The following HNRNPF variants were observed in gnomAD, a reference collection of about 807,000 sequenced individuals.
The protein encoded by HNRNPF is HnRNP F protein.
HNRNPF carries 2 observed loss-of-function variants against 26.0 expected under a neutral mutation model. That is an observed-to-expected ratio of 0.08 (90% CI 0.03 to 0.24). HNRNPF has a LOEUF of 0.24. Among genes scored for constraint, HNRNPF ranks in the 10% least tolerant of loss-of-function variants. The pLI, the probability that HNRNPF is intolerant of heterozygous loss-of-function variation, is 1.00. For missense variants in HNRNPF, 299 were observed against 539.2 expected (o/e 0.55, Z 4.41); for synonymous variants, 234 against 211.5 (o/e 1.11, Z -0.92).
chr10:43,388,386 A>G lies in HNRNPF; in HGVS notation c.-52-450T>C, dbSNP rs562012406. ...GAGTAAAAATAAGGGATGGGAACATAGCAGGCTGTTTTTAAACCACAACAT... is the reference window on the plus strand; with the variant it reads ...GAGTAAAAATAAGGGATGGGAACATGGCAGGCTGTTTTTAAACCACAACAT... On this transcript the variant is annotated intron_variant, in intron 3 of 3. Coordinates refer to ENST00000682386, the MANE Select transcript of HNRNPF (RefSeq NM_001098204.2). Among the ~76,000 whole-genome samples the G allele has an allele frequency of 4.6e-3, 708 of 152,358 alleles. 7 individuals carry two copies. Among genetic ancestry groups the G allele is most frequent in the African/African-American group, 0.016 (663 of 41,586 alleles).
intron 1 of HNRNPF, among the ~76,000 whole-genome samples, chr10:43,398,345 T>G (rs1385038722): frequency 4.8e-5 from 3 of 63,128 alleles, no homozygotes; most frequent in Admixed American, 2.9e-4. Flanking sequence ...GTTGTTGTTG[T>G]TTTTTTTTTT....
At chr10:43,396,173 G>A (rs927563444) in intron 2 of HNRNPF, among the ~76,000 whole-genome samples, 10 of 152,370 alleles carry the variant, frequency 6.6e-5, no homozygotes, top group Middle Eastern at 6.8e-3. Flanking sequence ...AGCCAATCAA[G>A]ATAAATAGGG....
At chr10:43,405,478 A>G (rs1346854513) in intron 1 of HNRNPF, among the ~76,000 whole-genome samples, 1 of 152,020 alleles carries the variant, frequency 6.6e-6, no homozygotes, top group African/African-American at 2.4e-5. Context: ...AACATGATGA[A>G]ACCCCGCCTC....
chr10:43,409,096 G>C lies in HNRNPF; in HGVS notation c.-247+35C>G, dbSNP rs543181926. On this transcript the variant is annotated intron_variant, in intron 1 of 3. Transcript: ENST00000682386. Reference sequence around the variant, plus strand: ...CGTCCCCACCCCCTGCTACCTGCCGGCGTGACAGCGATTCGGTGGCCCCCC... The same window carrying C: ...CGTCCCCACCCCCTGCTACCTGCCGCCGTGACAGCGATTCGGTGGCCCCCC... The C allele has an allele frequency of 9.2e-5, 14 of 152,848 alleles. No individual in the cohort carries two copies. In the South Asian group the frequency reaches 1.0e-3, roughly 11 times the overall value. 9.5% of individuals were successfully genotyped at this position (152,848 alleles called of 1,614,324 possible). A position where few individuals can be genotyped will look rare whatever the true frequency, so the allele number is the denominator to read the frequency against.
rs1838025796 is a variant in HNRNPF, at chr10:43,386,433, G to C, written c.*204C>G. On this transcript the variant is annotated 3_prime_UTR_variant, in exon 4 of 4. Coordinates refer to ENST00000682386, the MANE Select transcript of HNRNPF (RefSeq NM_001098204.2). ...ACCAAAATGTTAATTGAGAAAAGCTGAAAATAGTTTTAGTTTACTCATTAT... is the reference window on the plus strand; with the variant it reads ...ACCAAAATGTTAATTGAGAAAAGCTCAAAATAGTTTTAGTTTACTCATTAT... The C allele has an allele frequency of 1.9e-6, 1 of 514,734 alleles. No homozygotes were observed. The highest frequency in any genetic ancestry group is 3.4e-6 in the Non-Finnish European group (1 of 295,172). The allele number at this position is 514,734 out of a possible 1,614,324, so 31.9% of individuals were successfully genotyped here.
chr10:43,395,112 T>A (rs908586146), intron 2 of HNRNPF, among the ~76,000 whole-genome samples: 1 of 147,274 alleles, frequency 6.8e-6, no homozygotes. Flanking sequence ...CCCTAAGTGC[T>A]GGGAGGAAAT....
chr10:43,406,216 C>G (rs960731842), intron 1 of HNRNPF, among the ~76,000 whole-genome samples: 1 of 152,194 alleles, frequency 6.6e-6, no homozygotes, highest in African/African-American at 2.4e-5. Context: ...AAGGGCCTGT[C>G]ACATTTCTGC....
intron 1 of HNRNPF, among the ~76,000 whole-genome samples, chr10:43,405,053 G>A (rs1415284514): frequency 3.3e-5 from 5 of 152,176 alleles, no homozygotes; most frequent in Non-Finnish European, 7.3e-5. Context: ...CACCACGCTT[G>A]AAATGTGTAA....
Position 43,387,133 on chromosome 10 carries a change from T to C in HNRNPF, c.752A>G (p.Asp251Gly), listed in dbSNP as rs1187760373. 3.7e-6 allele frequency: 6 copies of C among 1,613,802 alleles called. No homozygotes were observed. The South Asian group carries it at 6.6e-5, about 18-fold the overall frequency. ...CAGGTCGGTGGTGAAGCCGTAGCCA[T>C]CACTGAGGCCACTGTACTCCTCGTA... ...GGYEEYSGLSDGYGFTTDLFG... is the reference protein window; with the variant it reads ...GGYEEYSGLSGGYGFTTDLFG... The change falls in exon 4 of 4, where the codon GAT becomes GGT. Residue 251 changes from aspartate (D) to glycine (G), a missense_variant. By Grantham distance (94) the Asp-to-Gly change is moderately conservative. Transcript: ENST00000682386. The surrounding 1 kb of genome is among the most constrained non-coding windows in gnomAD (Gnocchi z 6.0).
At position 43,387,907 on chromosome 10, in the gene HNRNPF, C is replaced by T. The variant is rs1838092587; in HGVS notation, c.-23G>A. 7.7e-6 allele frequency: 12 copies of T among 1,565,712 alleles called. No homozygotes were observed. The East Asian group carries it at 2.7e-4, about 36-fold the overall frequency. ...CATGGACACTTGTCAGGGTGGGTGT[C>T]AGGTGATCTTGGGTGTGGCTTTTTT... On this transcript the variant is annotated 5_prime_UTR_variant, in exon 4 of 4. Transcript: ENST00000682386. This position sits in a 1 kb window ranked among gnomAD's most constrained non-coding sequence, Gnocchi z 6.0.
At chr10:43,404,005 G>T (rs1431664535) in intron 1 of HNRNPF, among the ~76,000 whole-genome samples, 1 of 150,260 alleles carries the variant, frequency 6.7e-6, no homozygotes, top group African/African-American at 2.4e-5. Flanking sequence ...AAAAAAAAAT[G>T]TGGAGGGCTG....
At chr10:43,395,633 CA>C (rs1241269082) in intron 2 of HNRNPF, among the ~76,000 whole-genome samples, 3 of 152,260 alleles carry the variant, frequency 2.0e-5, no homozygotes, top group South Asian at 2.1e-4. Context: ...GAAACCTATT[CA>C]GGGGTGAAAC....
At position 43,387,300 on chromosome 10, in the gene HNRNPF, T is replaced by C. The variant is rs1564392869; in HGVS notation, c.585A>G (p.Ser195=). 5.0e-6 allele frequency: 8 copies of C among 1,614,226 alleles called. No individual in the cohort carries two copies. Among genetic ancestry groups the C allele is most frequent in the Non-Finnish European group, 5.9e-6 (7 of 1,180,024 alleles). The change falls in exon 4 of 4, where the codon TCA becomes TCG. Residue 195 remains serine, a synonymous_variant. Transcript: ENST00000682386. The surrounding 1 kb of genome is among the most constrained non-coding windows in gnomAD (Gnocchi z 6.0). ...CGGACATGAACTTCAGAGGGGGATC[T>C]GAGTATGACCTAACTTCCTCCTGGC... ...KSSQEEVRSY[S]DPPLKFMSVQ... is the part of the protein sequence containing the mutation.
At chr10:43,389,355 A>G (rs773391994) in intron 3 of HNRNPF, among the ~76,000 whole-genome samples, 8 of 152,214 alleles carry the variant, frequency 5.3e-5, no homozygotes, top group Non-Finnish European at 1.0e-4. Flanking sequence ...TGGGCTCATC[A>G]TGTGGGGAAA....
chr10:43,392,036 G>T (rs1303977967), intron 3 of HNRNPF, among the ~76,000 whole-genome samples: 2 of 152,148 alleles, frequency 1.3e-5, no homozygotes, highest in Non-Finnish European at 2.9e-5. Flanking sequence ...CCGGAGCCAG[G>T]AGTTCAAGAC....
Position 43,387,182 on chromosome 10 carries a change from C to T in HNRNPF, c.703G>A (p.Ala235Thr), listed in dbSNP as rs754360310. ...TAGCCCCCGTAGCCTGTGCTGTAGG[C>T]ACCAGGCCTCATCCTTTCCAGGCCT... ...QAGLERMRPG[A>T]YSTGYGGYEE... Residue 235 changes from alanine (A) to threonine (T), a missense_variant, in exon 4 of 4, where the codon GCC becomes ACC. Physicochemically the swap from Ala to Thr is moderately conservative, Grantham distance 58. Around this residue, in one of 6 missense-constraint regions of HNRNPF, gnomAD observed 74 missense variants for 77.7 expected, o/e 0.95. Transcript: ENST00000682386. This position sits in a 1 kb window ranked among gnomAD's most constrained non-coding sequence, Gnocchi z 6.0. The T allele has an allele frequency of 1.2e-5, 20 of 1,614,196 alleles. No individual in the cohort carries two copies. Among genetic ancestry groups the T allele is most frequent in the Non-Finnish European group, 1.5e-5 (18 of 1,180,032 alleles).
At position 43,401,008 on chromosome 10, in the gene HNRNPF, G is replaced by A. The variant is rs529021050; in HGVS notation, c.-246-4418C>T. Among the ~76,000 whole-genome samples, 51 of 152,322 alleles carry A rather than the reference G, an allele frequency of 3.3e-4. 1 individual carries two copies. Among genetic ancestry groups the A allele is most frequent in the African/African-American group, 1.2e-3 (50 of 41,582 alleles). On this transcript the variant is annotated intron_variant, in intron 1 of 3. Transcript: ENST00000682386. ...GAGGCAGGAGAATGGTGTGAACCCG[G>A]GAGGCGGAACTTGCAGGGAGCCCAG... is the stretch of plus-strand genomic sequence containing the variant.
intron 3 of HNRNPF, among the ~76,000 whole-genome samples, chr10:43,393,902 C>G (rs776735979): frequency 1.3e-5 from 2 of 151,050 alleles, no homozygotes; most frequent in Non-Finnish European, 2.9e-5. Flanking sequence ...CCCAAATATA[C>G]TCTGTTCAAC....
intron 3 of HNRNPF, among the ~76,000 whole-genome samples, chr10:43,390,765 C>A (rs1415548761): frequency 6.6e-6 from 1 of 152,190 alleles, no homozygotes; most frequent in Non-Finnish European, 1.5e-5. Context: ...CTGCACACAG[C>A]CAGGCGAAAC....
Sources: gnomAD v4.1 joint callset for allele counts (sites outside exome capture counted in the v4.1 genomes callset) on GRCh38, gnomAD v4.1.1 for gene constraint, gnomAD v4.1.1 regional missense constraint, Gnocchi (gnomAD v3.1) non-coding constraint, MANE v1.5 for transcripts, NCBI Gene and HGNC (gene_info 2026-07-23, HGNC 2026-07-21) for gene names.